The following ZNF337 variants were observed in gnomAD, a reference collection of about 807,000 sequenced individuals.
The protein encoded by ZNF337 is zinc finger protein 337.
In ZNF337, 8 loss-of-function variants were observed where a neutral mutation model predicts 12.1. The ratio of observed to expected loss-of-function variants is 0.66; its 90% CI spans 0.39 to 1.19. The LOEUF (loss-of-function observed/expected upper bound fraction) is 1.19, where lower values mean the gene tolerates loss of function less well. ZNF337 is among the 50% of genes most tolerant of loss of function. The pLI, the probability that ZNF337 is intolerant of heterozygous loss-of-function variation, is 0.01. For missense variants in ZNF337, 882 were observed against 896.6 expected, an observed-to-expected ratio of 0.98 and a Z score of 0.21; for synonymous variants, 336 against 320.0, an observed-to-expected ratio of 1.05 and a Z score of -0.53.
chr20:25,692,625 T>C (rs758785982), intron 1 of ZNF337, among the ~76,000 whole-genome samples: 4 of 152,000 alleles, frequency 2.6e-5, no homozygotes, highest in East Asian at 1.9e-4. Flanking sequence ...AGAGGAAAAA[T>C]AGAGAAAACT....
At chr20:25,677,231 C>T in intron 4 of ZNF337, 194 bp from the exon 5 acceptor site, 1 of 542,116 alleles carries the variant, frequency 1.8e-6, no homozygotes, top group Admixed American at 3.6e-5. Flanking sequence ...TCTAAAAGGC[C>T]AGCATTATCC....
chr20:25,686,318 G>GT (rs2065832840), intron 2 of ZNF337, 73 bp downstream of exon 2: 1 of 1,494,684 alleles, frequency 6.7e-7, no homozygotes, highest in Non-Finnish European at 9.3e-7. Flanking sequence ...TGCTAATAAT[G>GT]TAACTGCTAG....
rs1486058614 is a variant in ZNF337 at position 25,675,030 on chromosome 20, C to A, written c.*2G>T. On this transcript the variant is annotated 3_prime_UTR_variant, in exon 5 of 5. Transcript: ENST00000252979. ...TCCTCTGATGGATGGTGAGATATAA[C>A]TTCAAGATGAAGCCTCACCCACACT... 1.9e-6 allele frequency: 3 copies of A among 1,610,382 alleles called. No homozygotes were observed. In the South Asian group the frequency reaches 3.3e-5, roughly 18 times the overall value.
chr20:25,675,645 T>G lies in ZNF337; in HGVS notation c.1643A>C (p.Gln548Pro), dbSNP rs901730704. ...HSGEKPFMCK[Q>P]CEKSFSLKAN... ...CTTCAAACTAAAACTTTTCTCACAC[T>G]GCTTGCACATGAAGGGCTTCTCTCC... The change falls in exon 5 of 5, where the codon CAG becomes CCG. Residue 548 changes from glutamine to proline, a missense_variant. Gln to Pro is a moderately conservative substitution (Grantham distance 76). Coordinates refer to ENST00000252979, the MANE Select transcript of ZNF337 (RefSeq NM_015655.4). 7 of 1,613,462 alleles carry G rather than the reference T, an allele frequency of 4.3e-6. No homozygotes were observed. In the African/African-American group the frequency reaches 9.4e-5, roughly 22 times the overall value.
rs1040015745 is a variant in ZNF337, at chr20:25,696,839, T to C, written c.-130A>G. ...CTCACGGCTCGCTGACGCCCAGGGA[T>C]CTGGAACGCTCTGCGCCGCCCGGGA... On this transcript the variant is annotated 5_prime_UTR_variant, in exon 1 of 5. Transcript: ENST00000252979. 10 of 985,018 alleles carry C rather than the reference T, an allele frequency of 1.0e-5. No individual in the cohort carries two copies. In the African/African-American group the frequency reaches 1.7e-4, roughly 17 times the overall value. The allele number at this position is 985,018 out of a possible 1,614,324, so 61.0% of individuals were successfully genotyped here.
In ZNF337 at chr20:25,676,132, T is replaced by C. The variant is rs2065683532; in HGVS notation, c.1156A>G (p.Ser386Gly). The part of the protein sequence containing the change: ...FACRQCKQSF[S>G]VKGSLLRHQR... ...TGTCTGAGGAGACTTCCTTTCACGC[T>C]AAAACTTTGCTTACACTGCCTGCAC... Residue 386 changes from serine (S) to glycine (G), a missense_variant, in exon 5 of 5, where the codon AGC becomes GGC. By Grantham distance (56) the Ser-to-Gly change is moderately conservative. Transcript: ENST00000252979. The C allele has an allele frequency of 6.2e-7, 1 of 1,613,316 alleles. No homozygotes were observed. The highest frequency in any genetic ancestry group is 1.3e-5 in the African/African-American group (1 of 74,696).
At chr20:25,687,268 A>G (rs943161671) in intron 1 of ZNF337, among the ~76,000 whole-genome samples, 6 of 152,208 alleles carry the variant, frequency 3.9e-5, no homozygotes, top group Admixed American at 1.3e-4. Flanking sequence ...GCCACACTTC[A>G]TAATTTTTAG....
chr20:25,681,004 TC>T (rs1271588485), intron 4 of ZNF337: 2 of 152,044 alleles, frequency 1.3e-5, no homozygotes, highest in South Asian at 2.1e-4. Context: ...AACATTAGCA[TC>T]CCCCCCAAAT....
Position 25,681,858 on chromosome 20 carries a change from C to T in ZNF337, c.250+3709G>A, listed in dbSNP as rs145162571. Among the ~76,000 whole-genome samples the T allele has an allele frequency of 2.2e-4, 34 of 152,062 alleles. No individual in the cohort carries two copies. The East Asian group carries it at 5.8e-3, about 26-fold the overall frequency. On this transcript the variant is annotated intron_variant, in intron 4 of 4. Transcript: ENST00000252979. Reference sequence around the variant, plus strand: ...TGATATGCATGCTGAAGTGTTTATGCGTAAAGGATAATGATGTCCACAATA... The same window carrying T: ...TGATATGCATGCTGAAGTGTTTATGTGTAAAGGATAATGATGTCCACAATA...
intron 4 of ZNF337, among the ~76,000 whole-genome samples, chr20:25,679,548 C>A (rs576310834): frequency 2.4e-4 from 36 of 152,146 alleles, no homozygotes; most frequent in Non-Finnish European, 5.0e-4. Flanking sequence ...AAATGGGCAA[C>A]AGGTATACGA....
In ZNF337 at chr20:25,674,489, GTCCCACC is replaced by G. The variant is rs1431255307; in HGVS notation, c.*536_*542del. 6.5e-6 allele frequency: 1 copy of G among 153,276 alleles called. No homozygotes were observed. The highest frequency in any genetic ancestry group is 1.5e-5 in the Non-Finnish European group (1 of 68,848). The allele number at this position is 153,276 out of a possible 1,614,324, so 9.5% of individuals were successfully genotyped here. On this transcript the variant is annotated 3_prime_UTR_variant, in exon 5 of 5. Transcript: ENST00000252979. ...GACTTGACTTAATCACTTCCCAAAG[GTCCCACC>G]TCCTAATACTTACACTGTTTCAACA...
rs1259960422 is a variant in ZNF337 at position 25,673,492 on chromosome 20, TGGTCTGTGG to T, written c.*1531_*1539del. 3.3e-4 allele frequency among the ~76,000 whole-genome samples: 51 copies of T among 152,304 alleles called. No homozygotes were observed. Among genetic ancestry groups the T allele is most frequent in the African/African-American group, 1.2e-3 (50 of 41,580 alleles). Reference sequence around the variant, plus strand: ...GATGGGCCATCTCTACACACCCAGATGGTCTGTGGCTGGGAGCATGGCAGAGGCAATCTT... The same window carrying T: ...GATGGGCCATCTCTACACACCCAGATCTGGGAGCATGGCAGAGGCAATCTT... On this transcript the variant is annotated 3_prime_UTR_variant, in exon 5 of 5. Coordinates refer to ENST00000252979, the MANE Select transcript of ZNF337 (RefSeq NM_015655.4).
At chr20:25,694,354 C>G (rs373010626) in intron 1 of ZNF337, among the ~76,000 whole-genome samples, 2 of 152,120 alleles carry the variant, frequency 1.3e-5, no homozygotes. Context: ...TATGTCTTAA[C>G]CAGTAGGCAT....
At chr20:25,685,921 TC>T in intron 3 of ZNF337, 74 bp downstream of exon 3, 5 of 1,543,350 alleles carry the variant, frequency 3.2e-6, no homozygotes, top group Non-Finnish European at 4.4e-6. Flanking sequence ...AACATTCTTG[TC>T]TCTGAACCTA....
intron 2 of ZNF337, 87 bp from the exon 3 acceptor site, chr20:25,686,209 G>C (rs1477330123): frequency 2.0e-5 from 32 of 1,591,816 alleles, no homozygotes; most frequent in Non-Finnish European, 1.7e-6. Context: ...TCTGTACACA[G>C]ATCACTACTT....
rs2065689724 is a variant in ZNF337, at chr20:25,676,358, G to T, written c.930C>A (p.His310Gln). 6.2e-7 allele frequency: 1 copy of T among 1,614,016 alleles called. No homozygotes were observed. Among genetic ancestry groups the T allele is most frequent in the Non-Finnish European group, 8.5e-7 (1 of 1,180,024 alleles). ...GCTTCTCCCCTGAATGCGCCTTCAA[G>T]TGCTTGTTGTATGAGGACTTATCGT... is the stretch of plus-strand genomic sequence containing the variant. ...RFNDKSSYNK[H>Q]LKAHSGEKPF... Residue 310 changes from histidine to glutamine, a missense_variant, in exon 5 of 5, where the codon CAC becomes CAA. Physicochemically the swap from His to Gln is conservative, Grantham distance 24. Coordinates refer to ENST00000252979, the MANE Select transcript of ZNF337 (RefSeq NM_015655.4).
chr20:25,678,517 T>C (rs1026051592), intron 4 of ZNF337, among the ~76,000 whole-genome samples: 1 of 152,122 alleles, frequency 6.6e-6, no homozygotes, highest in Non-Finnish European at 1.5e-5. Flanking sequence ...AAAATACTCC[T>C]AGAATTCATA....
chr20:25,693,505 G>T (rs983015257), intron 1 of ZNF337, among the ~76,000 whole-genome samples: 2 of 152,366 alleles, frequency 1.3e-5, no homozygotes, highest in Non-Finnish European at 1.5e-5. Context: ...CCTGGGACAG[G>T]ACAATGGCTC....
intron 1 of ZNF337, among the ~76,000 whole-genome samples, chr20:25,692,490 A>G (rs1230364670): frequency 6.6e-6 from 1 of 152,178 alleles, no homozygotes; most frequent in East Asian, 1.9e-4. Flanking sequence ...TAAGAAGAGC[A>G]AAGTGTTAAG....
Sources: gnomAD v4.1 joint callset for allele counts (sites outside exome capture counted in the v4.1 genomes callset) on GRCh38, gnomAD v4.1.1 for gene constraint, MANE v1.5 for transcripts, NCBI Gene and HGNC (gene_info 2026-07-23, HGNC 2026-07-21) for gene names.